Variants in PTPRA observed in about 807,000 individuals in gnomAD.
The protein encoded by PTPRA is receptor-type tyrosine-protein phosphatase alpha.
A neutral mutation model predicts 104.8 loss-of-function variants in PTPRA; 25 were observed. The ratio of observed to expected loss-of-function variants is 0.24; its 90% CI spans 0.17 to 0.33. PTPRA has a LOEUF of 0.33. Among genes scored for constraint, PTPRA ranks in the 10% least tolerant of loss-of-function variants. The probability of loss-of-function intolerance (pLI) is 1.00; values close to 1 mark genes in which losing one functional copy is unlikely to be tolerated. For synonymous variants in PTPRA, 323 were observed against 368.9 expected, an observed-to-expected ratio of 0.88 and a Z score of 1.43; for missense variants, 765 against 1,015.3, an observed-to-expected ratio of 0.75 and a Z score of 3.35.
intron 3 of PTPRA, among the ~76,000 whole-genome samples, chr20:2,960,472 A>G (rs1174179722): frequency 6.6e-6 from 1 of 151,786 alleles, no homozygotes; most frequent in Non-Finnish European, 1.5e-5. Flanking sequence ...GATGGTCTCG[A>G]TCTCCTGACC....
chr20:2,950,761 A>ATTTCT lies in PTPRA; in HGVS notation c.-7+2742_-7+2746dup, dbSNP rs1465582847. ...AATAAAATGAAATTCTTTTCATTGT[A>ATTTCT]TTTCTTTTCATTGATTATTCCTATA... On this transcript the variant is annotated intron_variant, in intron 3 of 23. Coordinates refer to ENST00000399903, the MANE Select transcript of PTPRA (RefSeq NM_001385305.1). This position sits in a 1 kb window ranked among gnomAD's most constrained non-coding sequence, Gnocchi z 4.0. Among the ~76,000 whole-genome samples the ATTTCT allele has an allele frequency of 6.6e-6, 1 of 151,828 alleles. No homozygotes were observed. The highest frequency in any genetic ancestry group is 1.9e-4 in the East Asian group (1 of 5,192).
At chr20:2,934,032 T>C (rs983772197) in intron 2 of PTPRA, among the ~76,000 whole-genome samples, 16 of 152,206 alleles carry the variant, frequency 1.1e-4, no homozygotes, top group Non-Finnish European at 2.1e-4. Context: ...TTAAACCATT[T>C]TGGAATATTG....
intron 5 of PTPRA, among the ~76,000 whole-genome samples, chr20:2,973,080 TTATAA>T (rs1018804048): frequency 3.3e-5 from 5 of 152,292 alleles, no homozygotes; most frequent in African/African-American, 1.2e-4. Context: ...TGATTATTTA[TTATAA>T]TAGCCTACAG....
chr20:3,004,952 A>G (rs2063798331), intron 9 of PTPRA, 104 bp from the exon 10 acceptor site: 1 of 1,016,722 alleles, frequency 9.8e-7, no homozygotes, highest in Non-Finnish European at 1.5e-6. Context: ...TTTTCCCCCC[A>G]GGAAAAGGTA....
intron 2 of PTPRA, among the ~76,000 whole-genome samples, chr20:2,941,022 G>T (rs371166902): frequency 0.031 from 4,572 of 148,566 alleles, 219 homozygotes; most frequent in African/African-American, 0.094. Flanking sequence ...GTTTTTTTTT[G>T]GGGGTTTTTT....
Position 3,035,972 on chromosome 20 carries a change from G to C in PTPRA, c.2198+31G>C. 6.2e-7 allele frequency: 1 copy of C among 1,612,172 alleles called. No individual in the cohort carries two copies. Among genetic ancestry groups the C allele is most frequent in the Non-Finnish European group, 8.5e-7 (1 of 1,179,512 alleles). ...GCTCACCCTTGCCCTCAGCGGGAGA[G>C]AGAAAGCGAGGAGGGGCAGATAGGG... is the stretch of plus-strand genomic sequence containing the variant. On this transcript the variant is annotated intron_variant, in intron 22 of 23. Coordinates refer to ENST00000399903, the MANE Select transcript of PTPRA (RefSeq NM_001385305.1). The surrounding 1 kb of genome is among the most constrained non-coding windows in gnomAD (Gnocchi z 5.8).
In PTPRA at chr20:2,916,061, A is replaced by G. The variant is rs112431137; in HGVS notation, c.-128-7146A>G. 6.8e-3 allele frequency among the ~76,000 whole-genome samples: 1,032 copies of G among 152,228 alleles called. 11 individuals carry two copies. Among genetic ancestry groups the G allele is most frequent in the African/African-American group, 0.023 (972 of 41,540 alleles). Reference sequence around the variant, plus strand: ...TTTTTGTTTTGTTTTGTTTTTTGAGACAGGGTCTTGCTCTGTGCTGCAGGC... The same window carrying G: ...TTTTTGTTTTGTTTTGTTTTTTGAGGCAGGGTCTTGCTCTGTGCTGCAGGC... On this transcript the variant is annotated intron_variant, in intron 1 of 23. Transcript: ENST00000399903.
At chr20:3,033,509 A>T (rs2065627875) in intron 20 of PTPRA, among the ~76,000 whole-genome samples, 1 of 151,992 alleles carries the variant, frequency 6.6e-6, no homozygotes, top group Non-Finnish European at 1.5e-5. Flanking sequence ...TGGCCTGGCA[A>T]CTGGTCCTCC....
At chr20:2,958,360 A>G (rs555314469) in intron 3 of PTPRA, among the ~76,000 whole-genome samples, 1 of 152,194 alleles carries the variant, frequency 6.6e-6, no homozygotes, top group South Asian at 2.1e-4. Context: ...GTTGGAGTGA[A>G]GGAAGTCAAG....
chr20:2,939,111 T>G (rs2060810934), intron 2 of PTPRA, among the ~76,000 whole-genome samples: 1 of 152,234 alleles, frequency 6.6e-6, no homozygotes, highest in Non-Finnish European at 1.5e-5. Flanking sequence ...TCTTATGGTC[T>G]GTGCTACCGA....
At chr20:3,013,644 C>T (rs2064291974) in intron 11 of PTPRA, among the ~76,000 whole-genome samples, 1 of 152,144 alleles carries the variant, frequency 6.6e-6, no homozygotes, top group Admixed American at 6.5e-5. Flanking sequence ...CTCCCTACCT[C>T]AGGTGATCTG....
the PTPRA span, chr20:2,864,572 C>T: frequency 2.1e-5 from 34 of 1,614,012 alleles, no homozygotes; most frequent in East Asian, 6.7e-5. This position sits in a 1 kb window ranked among gnomAD's most constrained non-coding sequence, Gnocchi z 5.2. Context: ...GAGCTAGAGA[C>T]GCTGAAGGAC....
At position 2,883,427 on chromosome 20, in the gene PTPRA, C is replaced by T. The variant is rs1200894759; in HGVS notation, c.-129+9667C>T. Among the ~76,000 whole-genome samples, 5 of 22,962 alleles carry T rather than the reference C, an allele frequency of 2.2e-4. 2 individuals are homozygous for T. In the East Asian group the frequency reaches 0.033, roughly 153 times the overall value. The allele number at this position is 22,962 out of a possible 152,430, so 15.1% of individuals were successfully genotyped here. On this transcript the variant is annotated intron_variant, in intron 1 of 23. Coordinates refer to ENST00000399903, the MANE Select transcript of PTPRA (RefSeq NM_001385305.1). ...CAGCACTTTGGGAGGCCGAGGCGGG[C>T]GGATCACGAGGTCAGGAGATCGAGA...
chr20:2,927,560 G>T (rs756597911), intron 2 of PTPRA, among the ~76,000 whole-genome samples: 1 of 152,134 alleles, frequency 6.6e-6, no homozygotes, highest in Non-Finnish European at 1.5e-5. Flanking sequence ...TAGGCTAGTC[G>T]TACACTCCAA....
At chr20:2,889,079 A>C (rs543098258) in intron 1 of PTPRA, among the ~76,000 whole-genome samples, 8 of 152,210 alleles carry the variant, frequency 5.3e-5, no homozygotes, top group Non-Finnish European at 1.2e-4. Context: ...GCTCAGTTAC[A>C]TGTGTAAGTT....
intron 12 of PTPRA, among the ~76,000 whole-genome samples, chr20:3,016,461 A>C (rs1365041529): frequency 6.6e-6 from 1 of 152,214 alleles, no homozygotes; most frequent in Non-Finnish European, 1.5e-5. Context: ...TTAAAAAGTA[A>C]TTGAGGCCGG....
chr20:2,926,769 CTTTTTTTT>C (rs777386962), intron 2 of PTPRA, among the ~76,000 whole-genome samples: 1 of 85,018 alleles, frequency 1.2e-5, no homozygotes. Flanking sequence ...TTTCCTTTTC[CTTTTTTTT>C]TTTTTTTTTT....
intron 16 of PTPRA, among the ~76,000 whole-genome samples, chr20:3,024,050 A>G (rs899259358): frequency 9.9e-5 from 15 of 152,214 alleles, no homozygotes; most frequent in Non-Finnish European, 2.2e-4. Context: ...GCCCAGAGAC[A>G]TGATGAAGCT....
intron 6 of PTPRA, among the ~76,000 whole-genome samples, chr20:2,979,721 A>T (rs1442834611): frequency 6.8e-6 from 1 of 148,028 alleles, no homozygotes; most frequent in Non-Finnish European, 1.5e-5. Flanking sequence ...TGTTTGGTAG[A>T]GACAGACTAC....
Sources: gnomAD v4.1 joint callset for allele counts (sites outside exome capture counted in the v4.1 genomes callset) on GRCh38, gnomAD v4.1.1 for gene constraint, Gnocchi (gnomAD v3.1) non-coding constraint, MANE v1.5 for transcripts, NCBI Gene and HGNC (gene_info 2026-07-23, HGNC 2026-07-21) for gene names.